The following GABRB1 variants were observed in gnomAD, a reference collection of about 807,000 sequenced individuals.
GABRB1 encodes the protein gamma-aminobutyric acid type A receptor subunit beta1.
Under a neutral mutation model 51.6 loss-of-function variants are expected in GABRB1, and 17 were observed. The ratio of observed to expected loss-of-function variants is 0.33; its 90% CI spans 0.23 to 0.49. The LOEUF (loss-of-function observed/expected upper bound fraction) is 0.49. Among genes scored for constraint, GABRB1 ranks in the 20% least tolerant of loss-of-function variants. GABRB1 has a pLI of 0.99. For missense variants in GABRB1, 410 were observed against 600.6 expected (o/e 0.68, Z 3.32); for synonymous variants, 247 against 218.9 (o/e 1.13, Z -1.14).
rs964110095 is a variant in GABRB1, at chr4:47,171,490, G to A, written c.461+10021G>A. ...GACTCTCATCTTATTTCATTAAACC[G>A]TCATTTCAAATTTAGTATTTTAGTA... On this transcript the variant is annotated intron_variant, in intron 4 of 8. Transcript: ENST00000295454. Among the ~76,000 whole-genome samples, 12 of 151,996 alleles carry A rather than the reference G, an allele frequency of 7.9e-5. No individual in the cohort carries two copies. The East Asian group carries it at 1.4e-3, about 17-fold the overall frequency.
intron 5 of GABRB1, among the ~76,000 whole-genome samples, chr4:47,397,641 A>C (rs577399338): frequency 9.2e-5 from 14 of 151,756 alleles, no homozygotes. Context: ...ATCTCGACTC[A>C]CTGCAACCTC....
At chr4:47,288,263 A>ATTG (rs1444500390) in intron 4 of GABRB1, among the ~76,000 whole-genome samples, 19 of 150,456 alleles carry the variant, frequency 1.3e-4, no homozygotes, top group African/African-American at 3.7e-4. Context: ...TATTATTATT[A>ATTG]TTATTATTGT....
intron 3 of GABRB1, among the ~76,000 whole-genome samples, chr4:47,077,161 G>C (rs1349999799): frequency 4.6e-5 from 7 of 152,100 alleles, no homozygotes; most frequent in Admixed American, 1.3e-4. Context: ...AAGTGAAATA[G>C]GGCTCTATCG....
chr4:47,031,768 CTCTCTCTT>C, intron 1 of GABRB1, 37 bp downstream of exon 1: 1 of 1,568,624 alleles, frequency 6.4e-7, no homozygotes, highest in Non-Finnish European at 8.8e-7. Context: ...CTCTCTCTCT[CTCTCTCTT>C]TTTTTCTTGG....
At chr4:47,016,702 C>CCTCA (rs1438047991) in intron 1 of GABRB1, among the ~76,000 whole-genome samples, 1 of 152,076 alleles carries the variant, frequency 6.6e-6, no homozygotes, top group East Asian at 1.9e-4. Flanking sequence ...GATTCTCTTG[C>CCTCA]CTCAGCCTCC....
chr4:47,255,701 C>T (rs1722171974), intron 4 of GABRB1, among the ~76,000 whole-genome samples: 1 of 152,214 alleles, frequency 6.6e-6, no homozygotes, highest in South Asian at 2.1e-4. Flanking sequence ...CTTGTTAAAA[C>T]ACAGATTGCT....
chr4:47,169,387 T>A (rs757267140), intron 4 of GABRB1, among the ~76,000 whole-genome samples: 2 of 152,162 alleles, frequency 1.3e-5, no homozygotes, highest in Non-Finnish European at 2.9e-5. Flanking sequence ...CACCAAGGGT[T>A]AGTATTTTGT....
At chr4:47,124,382 C>T (rs983884092) in intron 3 of GABRB1, among the ~76,000 whole-genome samples, 2 of 152,070 alleles carry the variant, frequency 1.3e-5, no homozygotes, top group African/African-American at 4.8e-5. Flanking sequence ...CCTGCCAAAA[C>T]TAATCTGTAA....
At chr4:47,068,848 G>A (rs1055349003) in intron 3 of GABRB1, among the ~76,000 whole-genome samples, 4 of 152,170 alleles carry the variant, frequency 2.6e-5, no homozygotes, top group Non-Finnish European at 5.9e-5. Flanking sequence ...TAACTTGCTC[G>A]ATGCAGGCTT....
chr4:47,281,816 T>C (rs1723303460), intron 4 of GABRB1, among the ~76,000 whole-genome samples: 1 of 152,196 alleles, frequency 6.6e-6, no homozygotes, highest in Admixed American at 6.5e-5. Flanking sequence ...ATGTCATTTA[T>C]ATGTGGATTT....
chr4:47,355,009 A>C (rs1726511705), intron 5 of GABRB1, among the ~76,000 whole-genome samples: 1 of 39,230 alleles, frequency 2.5e-5, no homozygotes, highest in African/African-American at 1.1e-4. Flanking sequence ...TTTTTTTGAC[A>C]GAATCTCTCT....
At chr4:47,319,351 G>A (rs368821500) in intron 4 of GABRB1, among the ~76,000 whole-genome samples, 9 of 152,146 alleles carry the variant, frequency 5.9e-5, no homozygotes, top group African/African-American at 1.9e-4. Flanking sequence ...TCAGTACCAT[G>A]TTGACTAGCA....
chr4:47,305,205 G>A (rs1314222621), intron 4 of GABRB1, among the ~76,000 whole-genome samples: 1 of 152,076 alleles, frequency 6.6e-6, no homozygotes, highest in Non-Finnish European at 1.5e-5. Context: ...TAACAATTGA[G>A]AGTTCCTAAA....
intron 4 of GABRB1, among the ~76,000 whole-genome samples, chr4:47,295,689 A>G (rs553109246): frequency 1.2e-4 from 18 of 152,366 alleles, no homozygotes; most frequent in African/African-American, 4.3e-4. Flanking sequence ...ACTTTGCAGG[A>G]TATTATCCAG....
intron 4 of GABRB1, among the ~76,000 whole-genome samples, chr4:47,266,968 T>C (rs1165845182): frequency 2.6e-5 from 4 of 152,032 alleles, no homozygotes; most frequent in African/African-American, 7.2e-5. Context: ...CTCTGGTGGA[T>C]AACAGTAAAA....
intron 8 of GABRB1, among the ~76,000 whole-genome samples, chr4:47,410,827 T>A (rs1471844439): frequency 6.6e-6 from 1 of 152,102 alleles, no homozygotes; most frequent in East Asian, 1.9e-4. Flanking sequence ...TCCATAAAAA[T>A]CTCAAGAGGC....
intron 4 of GABRB1, 26 bp from the exon 5 acceptor site, chr4:47,320,101 T>TTC: frequency 6.9e-7 from 1 of 1,452,972 alleles, no homozygotes; most frequent in Non-Finnish European, 9.7e-7. Flanking sequence ...TGTAATGTTT[T>TTC]CTTTTTTCTC....
rs893637895 is a variant in GABRB1, at chr4:47,387,203, G to A, written c.545-16115G>A. Among the ~76,000 whole-genome samples, 4 of 152,204 alleles carry A rather than the reference G, an allele frequency of 2.6e-5. No homozygotes were observed. The East Asian group carries it at 5.8e-4, about 22-fold the overall frequency. On this transcript the variant is annotated intron_variant, in intron 5 of 8. Transcript: ENST00000295454. Reference sequence around the variant, plus strand: ...AAATAGCCCAGGCACAGTGACTCATGACTGTAATCCCACTTTGGGAGGCCA... The same window carrying A: ...AAATAGCCCAGGCACAGTGACTCATAACTGTAATCCCACTTTGGGAGGCCA...
In GABRB1 at chr4:47,288,890, A is replaced by G. The variant is rs187121593; in HGVS notation, c.462-31237A>G. Among the ~76,000 whole-genome samples, 302 of 152,330 alleles carry G rather than the reference A, an allele frequency of 2.0e-3. 1 individual carries two copies. The highest frequency in any genetic ancestry group is 3.5e-3 in the Non-Finnish European group (241 of 68,026). On this transcript the variant is annotated intron_variant, in intron 4 of 8. Coordinates refer to ENST00000295454, the MANE Select transcript of GABRB1 (RefSeq NM_000812.4). ...CTACCCAGAGTTCACATTCTTAACC[A>G]CAAAGATTACATCCATATCCTATAC...
Sources: gnomAD v4.1 joint callset for allele counts (sites outside exome capture counted in the v4.1 genomes callset) on GRCh38, gnomAD v4.1.1 for gene constraint, MANE v1.5 for transcripts, NCBI Gene and HGNC (gene_info 2026-07-23, HGNC 2026-07-21) for gene names.